TYW1B: variants seen among roughly 807,000 people sequenced by gnomAD.
TYW1B encodes the protein tRNA-yW synthesizing protein 1 homolog B, also known as S-adenosyl-L-methionine-dependent tRNA 4-demethylwyosine synthase TYW1B.
TYW1B carries 73 observed loss-of-function variants against 86.9 expected under a neutral mutation model. The observed-to-expected ratio is 0.84, with a 90% CI of 0.70 to 1.02. The LOEUF is 1.02. Ranked by LOEUF, TYW1B falls within the 50% of genes least tolerant of loss-of-function variation. The pLI, the probability that TYW1B is intolerant of heterozygous loss-of-function variation, is 0.00. For missense variants in TYW1B, 637 were observed against 827.4 expected (o/e 0.77, Z 2.82); for synonymous variants, 248 against 292.8 (o/e 0.85, Z 1.56).
At chr7:72,634,659 T>C (rs1485324795) in intron 11 of TYW1B, among the ~76,000 whole-genome samples, 3 of 152,010 alleles carry the variant, frequency 2.0e-5, no homozygotes, top group Non-Finnish European at 2.9e-5. Context: ...TTTTGGTTGG[T>C]TGTTATCTTC....
intron 2 of TYW1B, among the ~76,000 whole-genome samples, chr7:72,816,904 C>T (rs1257412699): frequency 1.3e-5 from 2 of 152,144 alleles, no homozygotes; most frequent in African/African-American, 2.4e-5. Context: ...TCCATTCGGC[C>T]GTTCCTGAGT....
intron 3 of TYW1B, among the ~76,000 whole-genome samples, chr7:72,813,845 T>C (rs782598761): frequency 5.3e-5 from 8 of 152,058 alleles, no homozygotes; most frequent in Non-Finnish European, 8.8e-5. Context: ...TGAAACCCCA[T>C]GTCTGTTAAA....
intron 11 of TYW1B, among the ~76,000 whole-genome samples, chr7:72,693,731 G>A (rs546282254): frequency 6.6e-6 from 1 of 152,004 alleles, no homozygotes; most frequent in East Asian, 1.9e-4. Flanking sequence ...CGTACAGTCG[G>A]TCCTTCATAT....
At chr7:72,781,266 G>A (rs1343320173) in intron 6 of TYW1B, among the ~76,000 whole-genome samples, 2 of 152,006 alleles carry the variant, frequency 1.3e-5, no homozygotes, top group Non-Finnish European at 2.9e-5. Context: ...TCTGATCAGG[G>A]AAAAGAAAGA....
intron 3 of TYW1B, among the ~76,000 whole-genome samples, chr7:72,811,872 C>A (rs4717343): frequency 0.13 from 18,843 of 148,484 alleles, 2,071 homozygotes; most frequent in East Asian, 0.45. Context: ...CAATCACACC[C>A]CTGCACACTG....
At chr7:72,798,776 G>C (rs1289366489) in intron 6 of TYW1B, among the ~76,000 whole-genome samples, 2 of 152,178 alleles carry the variant, frequency 1.3e-5, no homozygotes, top group Non-Finnish European at 2.9e-5. Flanking sequence ...TCGCCTAACT[G>C]AGTATGTCAT....
intron 13 of TYW1B, among the ~76,000 whole-genome samples, chr7:72,606,625 T>C (rs1554434915): frequency 6.6e-6 from 1 of 150,838 alleles, no homozygotes; most frequent in Non-Finnish European, 1.5e-5. Flanking sequence ...CCCGCCTCCA[T>C]CCTATAATGT....
rs117164650 is a variant in TYW1B, at chr7:72,622,782, A to C, written c.1618-5943T>G. Among the ~76,000 whole-genome samples, 112 of 151,888 alleles carry C rather than the reference A, an allele frequency of 7.4e-4. No individual in the cohort carries two copies. The East Asian group carries it at 0.016, about 21-fold the overall frequency. The stretch of plus-strand genomic sequence containing the variant: ...CACACCACACACATGCACGCACACA[A>C]AACACACATGCATAACACACACAAC... On this transcript the variant is annotated intron_variant, in intron 12 of 13. Coordinates refer to ENST00000620995, the MANE Select transcript of TYW1B (RefSeq NM_001145440.3).
intron 9 of TYW1B, among the ~76,000 whole-genome samples, chr7:72,714,709 G>A (rs1269291511): frequency 5.3e-5 from 8 of 152,182 alleles, no homozygotes; most frequent in Admixed American, 5.2e-4. Context: ...CTTGAGGTCA[G>A]GAGTTCAACA....
intron 2 of TYW1B, among the ~76,000 whole-genome samples, chr7:72,825,632 C>T (rs1554481300): frequency 6.6e-6 from 1 of 151,990 alleles, no homozygotes; most frequent in Non-Finnish European, 1.5e-5. Context: ...GAGCCGAGAT[C>T]GTGCCACTGC....
chr7:72,707,236 T>C (rs541158853), intron 10 of TYW1B, among the ~76,000 whole-genome samples: 17 of 152,372 alleles, frequency 1.1e-4, no homozygotes, highest in African/African-American at 1.4e-4. Flanking sequence ...TGCTCGCGCA[T>C]TGGGGCTTGC....
At chr7:72,815,783 T>C (rs1346317417) in intron 2 of TYW1B, among the ~76,000 whole-genome samples, 17 of 152,142 alleles carry the variant, frequency 1.1e-4, no homozygotes, top group African/African-American at 4.1e-4. Flanking sequence ...CTCATGCCTG[T>C]AATCCCAGCA....
chr7:72,738,379 G>A (rs1376348123), intron 8 of TYW1B, among the ~76,000 whole-genome samples: 18 of 152,156 alleles, frequency 1.2e-4, no homozygotes, highest in African/African-American at 2.4e-4. Context: ...CACTGCGCCC[G>A]GCCTGGTCAC....
intron 11 of TYW1B, among the ~76,000 whole-genome samples, chr7:72,632,795 A>G (rs1334894630): frequency 6.6e-6 from 1 of 152,110 alleles, no homozygotes; most frequent in African/African-American, 2.4e-5. Flanking sequence ...TCTAATCTTT[A>G]CAACAAATCT....
chr7:72,734,723 T>A (rs1787170048), intron 8 of TYW1B, among the ~76,000 whole-genome samples: 1 of 152,164 alleles, frequency 6.6e-6, no homozygotes, highest in Non-Finnish European at 1.5e-5. Context: ...AAGGGATTAA[T>A]ATCCAGAATA....
At chr7:72,709,475 T>TG (rs59525571) in intron 10 of TYW1B, among the ~76,000 whole-genome samples, 120,769 of 151,972 alleles carry the variant, frequency 0.79, 48,176 homozygotes, top group African/African-American at 0.86. Flanking sequence ...GAGACCATCC[T>TG]GCTAACACGG....
intron 10 of TYW1B, 65 bp from the exon 11 acceptor site, chr7:72,694,887 T>C: frequency 6.5e-7 from 1 of 1,542,124 alleles, no homozygotes; most frequent in Non-Finnish European, 8.7e-7. Context: ...TTCCATGATA[T>C]AAAACCTGTA....
intron 13 of TYW1B, among the ~76,000 whole-genome samples, chr7:72,598,087 G>A (rs1289905267): frequency 6.6e-6 from 1 of 152,202 alleles, no homozygotes; most frequent in Non-Finnish European, 1.5e-5. Context: ...TATGGGTGTT[G>A]CCAAAAGAGA....
intron 8 of TYW1B, among the ~76,000 whole-genome samples, chr7:72,729,155 A>T (rs1194553573): frequency 6.6e-6 from 1 of 152,214 alleles, no homozygotes; most frequent in Non-Finnish European, 1.5e-5. Context: ...GATGTTGGGC[A>T]CCTAATTCAC....
Sources: gnomAD v4.1 joint callset for allele counts (sites outside exome capture counted in the v4.1 genomes callset) on GRCh38, gnomAD v4.1.1 for gene constraint, MANE v1.5 for transcripts, NCBI Gene and HGNC (gene_info 2026-07-23, HGNC 2026-07-21) for gene names.